The following PHACTR3 variants were observed in gnomAD, a reference collection of about 807,000 sequenced individuals.
PHACTR3 encodes protein phosphatase 1, regulatory subunit 123.
Under a neutral mutation model 66.8 loss-of-function variants are expected in PHACTR3, and 16 were observed. That is an observed-to-expected ratio of 0.24 (90% CI 0.16 to 0.36). The LOEUF is 0.36. Ranked by LOEUF, PHACTR3 falls within the 10% of genes least tolerant of loss-of-function variation. The probability of loss-of-function intolerance (pLI) is 1.00; values close to 1 mark genes in which losing one functional copy is unlikely to be tolerated. For missense variants in PHACTR3, 647 were observed against 719.9 expected, an observed-to-expected ratio of 0.90 and a Z score of 1.16; for synonymous variants, 323 against 292.1, an observed-to-expected ratio of 1.11 and a Z score of -1.08.
chr20:59,775,223 G>A (rs978723397), intron 7 of PHACTR3, among the ~76,000 whole-genome samples: 3 of 152,184 alleles, frequency 2.0e-5, no homozygotes, highest in Non-Finnish European at 4.4e-5. Flanking sequence ...CCTCCCAGCT[G>A]GTACTGGCTG....
Position 59,738,311 on chromosome 20 carries a change from G to A in PHACTR3, c.119-4796G>A, listed in dbSNP as rs2039027942. 6.6e-6 allele frequency among the ~76,000 whole-genome samples: 1 copy of A among 152,148 alleles called. No homozygotes were observed. The highest frequency in any genetic ancestry group is 1.5e-5 in the Non-Finnish European group (1 of 68,028). On this transcript the variant is annotated intron_variant, in intron 1 of 12. Transcript: ENST00000371015. This position sits in a 1 kb window ranked among gnomAD's most constrained non-coding sequence, Gnocchi z 4.4. ...TCCATGGCACATGGCAAGCACTAAT[G>A]CACAATAAGGATGATAATAAGGGGG...
chr20:59,736,662 G>C lies in PHACTR3; in HGVS notation c.119-6445G>C, dbSNP rs529314931. Among the ~76,000 whole-genome samples the C allele has an allele frequency of 2.6e-5, 4 of 152,260 alleles. No homozygotes were observed. Among genetic ancestry groups the C allele is most frequent in the African/African-American group, 9.6e-5 (4 of 41,564 alleles). On this transcript the variant is annotated intron_variant, in intron 1 of 12. Transcript: ENST00000371015. The surrounding 1 kb of genome is among the most constrained non-coding windows in gnomAD (Gnocchi z 4.6). Reference sequence around the variant, plus strand: ...CCCACCAGCATCCGCAGGCCACACCGTGCCGTGGATGACCACACCTGCCCC... The same window carrying C: ...CCCACCAGCATCCGCAGGCCACACCCTGCCGTGGATGACCACACCTGCCCC...
chr20:59,707,513 T>G (rs1337372412), intron 1 of PHACTR3, among the ~76,000 whole-genome samples: 1 of 139,372 alleles, frequency 7.2e-6, no homozygotes, highest in Non-Finnish European at 1.5e-5. Flanking sequence ...CAGGTTGGAG[T>G]GCAGTGGCAG....
At chr20:59,825,011 A>G (rs1317129885) in intron 8 of PHACTR3, among the ~76,000 whole-genome samples, 1 of 152,224 alleles carries the variant, frequency 6.6e-6, no homozygotes, top group Non-Finnish European at 1.5e-5. Flanking sequence ...ACAAGCCCAG[A>G]ACCATGCCCC....
chr20:59,703,371 A>G (rs569441685), intron 1 of PHACTR3, among the ~76,000 whole-genome samples: 4 of 152,322 alleles, frequency 2.6e-5, no homozygotes, highest in African/African-American at 9.6e-5. Flanking sequence ...GTTGTCTCAT[A>G]TTCTTTCTCC....
chr20:59,840,497 G>GTGGGATGGGTAAT, intron 10 of PHACTR3, 67 bp downstream of exon 10: 2 of 1,597,688 alleles, frequency 1.3e-6, no homozygotes, highest in Non-Finnish European at 1.7e-6. Flanking sequence ...TCGGTAGCAG[G>GTGGGATGGGTAAT]TGGGATGGGT....
intron 1 of PHACTR3, among the ~76,000 whole-genome samples, chr20:59,639,320 G>A (rs888579030): frequency 6.6e-6 from 1 of 152,142 alleles, no homozygotes; most frequent in Non-Finnish European, 1.5e-5. Context: ...GCTGACATTA[G>A]CTCCTGGAGA....
At chr20:59,763,873 G>A (rs1340807948) in intron 4 of PHACTR3, among the ~76,000 whole-genome samples, 1 of 152,214 alleles carries the variant, frequency 6.6e-6, no homozygotes, top group African/African-American at 2.4e-5. Context: ...GGATGGCTGA[G>A]TGGGGTGGCC....
upstream of PHACTR3, among the ~76,000 whole-genome samples, chr20:59,604,394 AC>A (rs2062134115): frequency 6.6e-6 from 1 of 150,774 alleles, no homozygotes; most frequent in South Asian, 2.1e-4. Context: ...CTCCTCCCCC[AC>A]CCCGGCGCGC....
At chr20:59,740,640 C>T (rs551086209) in intron 1 of PHACTR3, among the ~76,000 whole-genome samples, 1 of 152,280 alleles carries the variant, frequency 6.6e-6, no homozygotes, top group Non-Finnish European at 1.5e-5. Context: ...TCAACCTTAC[C>T]TATCAGGGAT....
chr20:59,583,462 TC>T (rs2032918155), intron 1 of PHACTR3, among the ~76,000 whole-genome samples: 1 of 152,178 alleles, frequency 6.6e-6, no homozygotes, highest in Admixed American at 6.5e-5. Context: ...GCTGTACATT[TC>T]CCAAGCAGGG....
chr20:59,759,231 C>T (rs983811835), intron 4 of PHACTR3, among the ~76,000 whole-genome samples: 67 of 152,248 alleles, frequency 4.4e-4, no homozygotes, highest in African/African-American at 1.5e-3. Flanking sequence ...AGGGACCCTG[C>T]GCCAGGGACA....
At chr20:59,599,217 T>A (rs1219404069) in intron 1 of PHACTR3, among the ~76,000 whole-genome samples, 1 of 152,196 alleles carries the variant, frequency 6.6e-6, no homozygotes, top group East Asian at 1.9e-4. Context: ...GCCGTGCACA[T>A]TCATTCATTT....
intron 1 of PHACTR3, among the ~76,000 whole-genome samples, chr20:59,740,665 C>CTT (rs56923498): frequency 5.1e-4 from 76 of 150,412 alleles, no homozygotes; most frequent in East Asian, 2.1e-3. Flanking sequence ...ATCATGGCAT[C>CTT]TTTTTTTTTT....
chr20:59,800,011 T>A (rs2035772219), intron 7 of PHACTR3, among the ~76,000 whole-genome samples: 2 of 152,192 alleles, frequency 1.3e-5, no homozygotes, highest in African/African-American at 4.8e-5. Flanking sequence ...AGCATACCTC[T>A]CTTATCTTAT....
At chr20:59,835,200 C>T (rs1327441422) in intron 8 of PHACTR3, among the ~76,000 whole-genome samples, 3 of 152,180 alleles carry the variant, frequency 2.0e-5, no homozygotes, top group Admixed American at 1.3e-4. Context: ...TTTGACTAGA[C>T]TGCAAAAGCA....
intron 4 of PHACTR3, among the ~76,000 whole-genome samples, chr20:59,757,868 G>C (rs1338861974): frequency 6.6e-6 from 1 of 152,198 alleles, no homozygotes; most frequent in Admixed American, 6.5e-5. Context: ...TACTCACGAA[G>C]CTGAGGCGGG....
At chr20:59,844,308 G>A (rs1323454455) in intron 11 of PHACTR3, 4 of 152,020 alleles carry the variant, frequency 2.6e-5, no homozygotes, top group Admixed American at 1.3e-4. Flanking sequence ...GCCACTTCTA[G>A]GTATACACGC....
chr20:59,815,372 G>C (rs897479829), intron 8 of PHACTR3, among the ~76,000 whole-genome samples: 1 of 150,614 alleles, frequency 6.6e-6, no homozygotes, highest in Non-Finnish European at 1.5e-5. Context: ...TCAGCCAAAA[G>C]AAATGCAGTT....
Sources: gnomAD v4.1 joint callset for allele counts (sites outside exome capture counted in the v4.1 genomes callset) on GRCh38, gnomAD v4.1.1 for gene constraint, Gnocchi (gnomAD v3.1) non-coding constraint, MANE v1.5 for transcripts, NCBI Gene and HGNC (gene_info 2026-07-23, HGNC 2026-07-21) for gene names.